The following PPP5C variants were observed in gnomAD, a reference collection of about 807,000 sequenced individuals.
The protein encoded by PPP5C is protein phosphatase 5 catalytic subunit.
Under a neutral mutation model 66.7 loss-of-function variants are expected in PPP5C, and 21 were observed. That is an observed-to-expected ratio of 0.31 (90% CI 0.22 to 0.45). The LOEUF is 0.45. Among genes scored for constraint, PPP5C ranks in the 20% least tolerant of loss-of-function variants. The pLI, the probability that PPP5C is intolerant of heterozygous loss-of-function variation, is 1.00. For synonymous variants in PPP5C, 246 were observed against 257.4 expected, an observed-to-expected ratio of 0.96 and a Z score of 0.43; for missense variants, 464 against 675.9, an observed-to-expected ratio of 0.69 and a Z score of 3.48.
chr19:46,361,607 A>T (rs1387156920), intron 2 of PPP5C, among the ~76,000 whole-genome samples: 1 of 147,480 alleles, frequency 6.8e-6, no homozygotes, highest in Non-Finnish European at 1.5e-5. Context: ...AAAAAAAAAA[A>T]AAAAAAAATT....
chr19:46,390,449 C>A lies in PPP5C; in HGVS notation c.*103C>A. On this transcript the variant is annotated 3_prime_UTR_variant, in exon 13 of 13. Coordinates refer to ENST00000012443, the MANE Select transcript of PPP5C (RefSeq NM_006247.4). ...GGCCCCGCCCCAGGGCAATGTTGGA[C>A]CCCCTTTTACTTTGTAAAGTTTGTA... 6.5e-7 allele frequency: 1 copy of A among 1,529,346 alleles called. No individual in the cohort carries two copies. Among genetic ancestry groups the A allele is most frequent in the East Asian group, 2.5e-5 (1 of 40,522 alleles). 94.7% of individuals were successfully genotyped at this position (1,529,346 alleles called of 1,614,324 possible).
intron 2 of PPP5C, among the ~76,000 whole-genome samples, chr19:46,361,248 G>C (rs1478838549): frequency 2.7e-5 from 4 of 149,474 alleles, no homozygotes; most frequent in Non-Finnish European, 5.9e-5. Flanking sequence ...TCCTGCCTCA[G>C]CCTCCTGAGT....
At chr19:46,375,902 T>C (rs1159923606) in intron 3 of PPP5C, 151 bp downstream of exon 3, 1 of 1,351,338 alleles carries the variant, frequency 7.4e-7, no homozygotes, top group African/African-American at 1.5e-5. Context: ...TCCAGGGCGC[T>C]CCATCCACAG....
At chr19:46,378,922 T>G (rs1972742045) in intron 4 of PPP5C, among the ~76,000 whole-genome samples, 1 of 152,188 alleles carries the variant, frequency 6.6e-6, no homozygotes, top group Middle Eastern at 3.2e-3. Flanking sequence ...TCGCTCTTGT[T>G]GCCCAGGTTG....
chr19:46,367,390 G>T (rs1972509225), intron 2 of PPP5C, among the ~76,000 whole-genome samples: 1 of 152,208 alleles, frequency 6.6e-6, no homozygotes, highest in African/African-American at 2.4e-5. Flanking sequence ...GATTCTGCAT[G>T]TAATGTTGCT....
chr19:46,354,129 C>CCA, intron 2 of PPP5C, 140 bp downstream of exon 2: 1 of 1,316,508 alleles, frequency 7.6e-7, no homozygotes, highest in Non-Finnish European at 1.0e-6. Flanking sequence ...GGCCTTGGGC[C>CCA]CAGGCCAGAG....
At position 46,390,361 on chromosome 19, in the gene PPP5C, C is replaced by G. The variant is rs146483627; in HGVS notation, c.*15C>G. 2 of 1,563,114 alleles carry G rather than the reference C, an allele frequency of 1.3e-6. No homozygotes were observed. Among genetic ancestry groups the G allele is most frequent in the South Asian group, 2.4e-5 (2 of 84,962 alleles). On this transcript the variant is annotated 3_prime_UTR_variant, in exon 13 of 13. Transcript: ENST00000012443. Reference sequence around the variant, plus strand: ...GAATGATGTGAGGTGACGGGCGGGGCGGCCTGCATCCCAGGGCCCCTCCAA... The same window carrying G: ...GAATGATGTGAGGTGACGGGCGGGGGGGCCTGCATCCCAGGGCCCCTCCAA...
In PPP5C at chr19:46,376,643, G is replaced by T. The variant is rs1972701661; in HGVS notation, c.633+69G>T. On this transcript the variant is annotated intron_variant, in intron 4 of 12. Transcript: ENST00000012443. The surrounding 1 kb of genome is among the most constrained non-coding windows in gnomAD (Gnocchi z 5.1). ...GGCATCACAGCACTGCCAGCCGCGG[G>T]CACTGAGCAAAACGACAGGAGAAGG... The T allele has an allele frequency of 1.3e-6, 2 of 1,577,084 alleles. No homozygotes were observed. Among genetic ancestry groups the T allele is most frequent in the Non-Finnish European group, 1.7e-6 (2 of 1,160,544 alleles).
At position 46,376,481 on chromosome 19, in the gene PPP5C, G is replaced by A. The variant is rs1413048137; in HGVS notation, c.540G>A (p.Lys180=). 6.2e-7 allele frequency: 1 copy of A among 1,613,808 alleles called. No individual in the cohort carries two copies. The highest frequency in any genetic ancestry group is 1.7e-5 in the Admixed American group (1 of 60,016). Residue 180 remains lysine (K), a synonymous_variant, in exon 4 of 13, where the codon AAG becomes AAA. Coordinates refer to ENST00000012443, the MANE Select transcript of PPP5C (RefSeq NM_006247.4). This position sits in a 1 kb window ranked among gnomAD's most constrained non-coding sequence, Gnocchi z 5.1. ...MTIEDEYSGP[K]LEDGKVTISF... ...TTGAGGATGAGTACAGCGGACCCAA[G>A]CTTGAAGACGGCAAAGTGACAATCA...
chr19:46,347,473 AG>A (rs1198049748), intron 1 of PPP5C, among the ~76,000 whole-genome samples: 1 of 151,664 alleles, frequency 6.6e-6, no homozygotes, highest in Non-Finnish European at 1.5e-5. Context: ...GTGGGGCGAG[AG>A]GGGGACTGGA....
chr19:46,352,111 CAACT>C (rs1972197013), intron 1 of PPP5C, among the ~76,000 whole-genome samples: 1 of 152,166 alleles, frequency 6.6e-6, no homozygotes, highest in African/African-American at 2.4e-5. Flanking sequence ...TCTCTTCAAC[CAACT>C]GACTCCCATC....
At position 46,390,401 on chromosome 19, in the gene PPP5C, G is replaced by A. The variant is rs370863791; in HGVS notation, c.*55G>A. On this transcript the variant is annotated 3_prime_UTR_variant, in exon 13 of 13. Coordinates refer to ENST00000012443, the MANE Select transcript of PPP5C (RefSeq NM_006247.4). ...GGCCCCTCCAATCCCACCGGACCCA[G>A]GCCCTGGGCTAGGGGCAGAGCAGGC... 281 of 1,550,792 alleles carry A rather than the reference G, an allele frequency of 1.8e-4. No homozygotes were observed. The highest frequency in any genetic ancestry group is 2.4e-4 in the Non-Finnish European group (270 of 1,147,078).
At position 46,362,472 on chromosome 19, in the gene PPP5C, ACCC is replaced by A. The variant is rs749239084; in HGVS notation, c.363+8484_363+8486del. On this transcript the variant is annotated intron_variant, in intron 2 of 12. Coordinates refer to ENST00000012443, the MANE Select transcript of PPP5C (RefSeq NM_006247.4). ...TTTGTCATTAATTTAGCTTAGTAAA[ACCC>A]TAAGGGCATAATTACCAAAAGATTT... 3.0e-4 allele frequency among the ~76,000 whole-genome samples: 46 copies of A among 152,228 alleles called. No homozygotes were observed. The East Asian group carries it at 8.5e-3, about 28-fold the overall frequency.
intron 4 of PPP5C, among the ~76,000 whole-genome samples, chr19:46,378,400 G>T (rs1271625771): frequency 1.3e-5 from 2 of 152,174 alleles, no homozygotes; most frequent in Non-Finnish European, 2.9e-5. Context: ...TGGCAAACAT[G>T]CAGTATGTAC....
intron 9 of PPP5C, 153 bp downstream of exon 9, chr19:46,387,606 C>T (rs1165711997): frequency 1.3e-6 from 2 of 1,539,580 alleles, no homozygotes; most frequent in East Asian, 4.9e-5. Context: ...CGACTTGGGC[C>T]AGTGCACCTC....
At chr19:46,349,407 G>A (rs1972144208) in intron 1 of PPP5C, among the ~76,000 whole-genome samples, 1 of 152,168 alleles carries the variant, frequency 6.6e-6, no homozygotes, top group Admixed American at 6.5e-5. Flanking sequence ...GGGGGGACTT[G>A]CAGCAGCAAA....
chr19:46,358,695 G>T (rs1972329216), intron 2 of PPP5C, among the ~76,000 whole-genome samples: 1 of 152,188 alleles, frequency 6.6e-6, no homozygotes. Context: ...ATAAGCTCAA[G>T]CGTTTAAAGA....
Position 46,388,774 on chromosome 19 carries a change from GGGTTTTTGTCTT to G in PPP5C, c.1355+53_1355+64del. The G allele has an allele frequency of 6.3e-7, 1 of 1,584,214 alleles. No homozygotes were observed. Among genetic ancestry groups the G allele is most frequent in the African/African-American group, 1.4e-5 (1 of 73,796 alleles). ...CAGCCCAGGGCCTCTACCAAGCCAC[GGGTTTTTGTCTT>G]GGTTTTTGTTTTGCCTTTTTATGAT... On this transcript the variant is annotated intron_variant, in intron 11 of 12. Coordinates refer to ENST00000012443, the MANE Select transcript of PPP5C (RefSeq NM_006247.4). The surrounding 1 kb of genome is among the most constrained non-coding windows in gnomAD (Gnocchi z 4.9).
intron 2 of PPP5C, among the ~76,000 whole-genome samples, chr19:46,363,851 A>G (rs1222273295): frequency 6.6e-6 from 1 of 152,224 alleles, no homozygotes; most frequent in African/African-American, 2.4e-5. Context: ...ACATGTACAC[A>G]TGTATGTATC....
Sources: allele counts gnomAD v4.1 joint callset (sites outside exome capture counted in the v4.1 genomes callset), GRCh38; gene constraint gnomAD v4.1.1; non-coding constraint Gnocchi (gnomAD v3.1); transcripts MANE v1.5; gene names NCBI Gene and HGNC (gene_info 2026-07-23, HGNC 2026-07-21).